Variants in TMEM150C observed in about 807,000 individuals in gnomAD.
TMEM150C encodes the protein tentonin 3.
Under a neutral mutation model 29.9 loss-of-function variants are expected in TMEM150C, and 10 were observed. The ratio of observed to expected loss-of-function variants is 0.33; its 90% CI spans 0.21 to 0.57. The LOEUF (loss-of-function observed/expected upper bound fraction) is 0.57. Ranked by LOEUF, TMEM150C falls within the 20% of genes least tolerant of loss-of-function variation. The pLI is 0.88. For synonymous variants in TMEM150C, 101 were observed against 112.5 expected (o/e 0.90, Z 0.64); for missense variants, 251 against 303.6 (o/e 0.83, Z 1.29).
intron 1 of TMEM150C, among the ~76,000 whole-genome samples, chr4:82,510,658 A>G (rs1261241599): frequency 6.6e-6 from 1 of 152,198 alleles, no homozygotes; most frequent in African/African-American, 2.4e-5. Context: ...ATAAATGTTA[A>G]CTGTATTATG....
chr4:82,551,919 G>T (rs1400650288), intron 1 of TMEM150C, among the ~76,000 whole-genome samples: 2 of 152,154 alleles, frequency 1.3e-5, no homozygotes, highest in African/African-American at 2.4e-5. Flanking sequence ...GTTAGCGGTG[G>T]GGACTAATGG....
chr4:82,533,485 G>A (rs1724915906), intron 1 of TMEM150C, among the ~76,000 whole-genome samples: 1 of 152,122 alleles, frequency 6.6e-6, no homozygotes, highest in African/African-American at 2.4e-5. Context: ...AACTCTCACA[G>A]TTTTGAGCTG....
intron 1 of TMEM150C, among the ~76,000 whole-genome samples, chr4:82,535,956 A>G (rs1483558149): frequency 2.0e-5 from 3 of 152,126 alleles, no homozygotes; most frequent in Admixed American, 1.3e-4. Context: ...ACAACCAAAA[A>G]TATCTCCTGA....
intron 1 of TMEM150C, among the ~76,000 whole-genome samples, chr4:82,540,497 T>C (rs1725167352): frequency 6.6e-6 from 1 of 152,120 alleles, no homozygotes; most frequent in South Asian, 2.1e-4. Flanking sequence ...TTTGCTTTTT[T>C]CCATCTAAGC....
Position 82,485,283 on chromosome 4 carries a change from G to T in TMEM150C, c.*228C>A. On this transcript the variant is annotated 3_prime_UTR_variant, in exon 8 of 8. Transcript: ENST00000449862. ...TGATCATGCACAAGCTTCTTGCTCT[G>T]TCGTGCATATATTTTCAGTGTAACA... is the stretch of plus-strand genomic sequence containing the variant. 1.9e-6 allele frequency: 1 copy of T among 522,732 alleles called. No homozygotes were observed. Among genetic ancestry groups the T allele is most frequent in the Non-Finnish European group, 3.5e-6 (1 of 288,250 alleles). 32.4% of individuals were successfully genotyped at this position (522,732 alleles called of 1,614,324 possible).
chr4:82,520,171 A>G (rs1362888840), intron 1 of TMEM150C, among the ~76,000 whole-genome samples: 1 of 152,262 alleles, frequency 6.6e-6, no homozygotes, highest in African/African-American at 2.4e-5. Context: ...TGCAATTCAT[A>G]ATTGGAAAGT....
At chr4:82,532,104 C>T (rs527458318) in intron 1 of TMEM150C, among the ~76,000 whole-genome samples, 1 of 152,232 alleles carries the variant, frequency 6.6e-6, no homozygotes, top group South Asian at 2.1e-4. Context: ...GAGAGAGCTA[C>T]AGTAAAACAG....
intron 1 of TMEM150C, among the ~76,000 whole-genome samples, chr4:82,514,458 G>A (rs558040051): frequency 5.9e-5 from 9 of 152,288 alleles, no homozygotes; most frequent in Non-Finnish European, 7.3e-5. Context: ...TAATTCATAC[G>A]TTACCCAGCG....
At chr4:82,502,139 C>T (rs569194385) in intron 5 of TMEM150C, among the ~76,000 whole-genome samples, 10 of 152,214 alleles carry the variant, frequency 6.6e-5, no homozygotes, top group Admixed American at 2.0e-4. Flanking sequence ...CACAGAGGGA[C>T]AGAATATTAC....
chr4:82,506,612 T>C (rs6849219), intron 1 of TMEM150C, among the ~76,000 whole-genome samples: 6,210 of 152,302 alleles, frequency 0.041, 403 homozygotes, highest in African/African-American at 0.13. Context: ...CGACTATTTA[T>C]ACGTAACATT....
intron 1 of TMEM150C, among the ~76,000 whole-genome samples, chr4:82,530,660 A>G (rs1724813065): frequency 6.6e-6 from 1 of 152,242 alleles, no homozygotes; most frequent in African/African-American, 2.4e-5. Flanking sequence ...TCAGCAGCCA[A>G]TATACAATGG....
intron 1 of TMEM150C, among the ~76,000 whole-genome samples, chr4:82,520,130 A>T (rs940998599): frequency 6.6e-6 from 1 of 152,176 alleles, no homozygotes; most frequent in Non-Finnish European, 1.5e-5. Flanking sequence ...TGTTACCTTT[A>T]CATTATCTGG....
At chr4:82,532,781 T>C (rs1022004743) in intron 1 of TMEM150C, among the ~76,000 whole-genome samples, 1 of 151,124 alleles carries the variant, frequency 6.6e-6, no homozygotes, top group Non-Finnish European at 1.5e-5. Flanking sequence ...CAGGCTGGAG[T>C]GCAGTGGCAC....
At chr4:82,523,866 T>G (rs1560491265) in intron 1 of TMEM150C, among the ~76,000 whole-genome samples, 1 of 150,874 alleles carries the variant, frequency 6.6e-6, no homozygotes, top group African/African-American at 2.4e-5. Flanking sequence ...TTAGTGGAGA[T>G]GGGGGGGGTT....
At chr4:82,499,719 C>CAAAAAAAAA (rs1197264258) in intron 5 of TMEM150C, among the ~76,000 whole-genome samples, 1 of 40,294 alleles carries the variant, frequency 2.5e-5, no homozygotes, top group Non-Finnish European at 4.2e-5. Context: ...ACTCCGTCTC[C>CAAAAAAAAA]AAAAAAAAAA....
rs1218127600 is a variant in TMEM150C at position 82,484,635 on chromosome 4, A to G, written c.*876T>C. On this transcript the variant is annotated 3_prime_UTR_variant, in exon 8 of 8. Transcript: ENST00000449862. ...AGGTGACCTCAGTTTTTCTTTGATCATGGTTGAACCCAAAGCAAGCTCAGC... is the reference window on the plus strand; with the variant it reads ...AGGTGACCTCAGTTTTTCTTTGATCGTGGTTGAACCCAAAGCAAGCTCAGC... 1 of 152,094 alleles carries G rather than the reference A, an allele frequency of 6.6e-6. No homozygotes were observed. 9.4% of individuals were successfully genotyped at this position (152,094 alleles called of 1,614,324 possible). A position where few individuals can be genotyped will look rare whatever the true frequency, so the allele number is the denominator to read the frequency against.
chr4:82,489,037 G>A (rs13136516), intron 7 of TMEM150C, among the ~76,000 whole-genome samples: 29,390 of 150,572 alleles, frequency 0.2, 3,032 homozygotes, highest in South Asian at 0.28. Context: ...ACAGGTGCTC[G>A]CCACAACACC....
At position 82,483,788 on chromosome 4, in the gene TMEM150C, C is replaced by CTTTTTT. The variant is rs202051449; in HGVS notation, c.*1717_*1722dup. On this transcript the variant is annotated 3_prime_UTR_variant, in exon 8 of 8. Coordinates refer to ENST00000449862, the MANE Select transcript of TMEM150C (RefSeq NM_001080506.3). The stretch of plus-strand genomic sequence containing the variant: ...TTGGGTTGAATTAAAAAACGTTTTT[C>CTTTTTT]TTTTTTTCTTTTTTTTTTGAGATGG... 2 of 138,088 alleles carry CTTTTTT rather than the reference C, an allele frequency of 1.4e-5. No individual in the cohort carries two copies. Among genetic ancestry groups the CTTTTTT allele is most frequent in the African/African-American group, 2.8e-5 (1 of 35,646 alleles). The allele number at this position is 138,088 out of a possible 1,614,324, so 8.6% of individuals were successfully genotyped here. A position where few individuals can be genotyped will look rare whatever the true frequency, so the allele number is the denominator to read the frequency against.
intron 1 of TMEM150C, among the ~76,000 whole-genome samples, chr4:82,545,685 T>C (rs1289552521): frequency 2.0e-5 from 3 of 152,198 alleles, no homozygotes; most frequent in African/African-American, 7.2e-5. Flanking sequence ...ATCCCAGCAC[T>C]TTGGGAGGCT....
Sources: allele counts gnomAD v4.1 joint callset (sites outside exome capture counted in the v4.1 genomes callset), GRCh38; gene constraint gnomAD v4.1.1; transcripts MANE v1.5; gene names NCBI Gene and HGNC (gene_info 2026-07-23, HGNC 2026-07-21).